KCNB2: variants seen among roughly 807,000 people sequenced by gnomAD.
KCNB2 encodes the protein potassium voltage-gated channel subfamily B member 2, also known as delayed rectifier potassium channel protein.
KCNB2 carries 15 observed loss-of-function variants against 61.5 expected under a neutral mutation model. That is an observed-to-expected ratio of 0.24 (90% CI 0.16 to 0.38). The LOEUF is 0.38. KCNB2 is among the 10% of genes least tolerant of loss of function. KCNB2 has a pLI of 1.00. For missense variants in KCNB2, 828 were observed against 1,125.2 expected, an observed-to-expected ratio of 0.74 and a Z score of 3.78; for synonymous variants, 457 against 446.0, an observed-to-expected ratio of 1.02 and a Z score of -0.31.
At chr8:72,674,157 C>T (rs7814693) in intron 2 of KCNB2, among the ~76,000 whole-genome samples, 126 of 152,258 alleles carry the variant, frequency 8.3e-4, no homozygotes, top group African/African-American at 2.9e-3. Context: ...ACTCTGAACC[C>T]TAAGCGTAAC....
chr8:72,770,629 A>G (rs1460262867), intron 2 of KCNB2, among the ~76,000 whole-genome samples: 1 of 152,190 alleles, frequency 6.6e-6, no homozygotes, highest in Non-Finnish European at 1.5e-5. Flanking sequence ...CATTTCCTTG[A>G]TCTCTAAAAT....
chr8:72,708,550 C>G (rs1294003035), intron 2 of KCNB2, among the ~76,000 whole-genome samples: 4 of 152,202 alleles, frequency 2.6e-5, no homozygotes, highest in Non-Finnish European at 5.9e-5. Flanking sequence ...AGGGTTGAAA[C>G]AAGCCTCAAA....
intron 1 of KCNB2, 56 bp from the exon 2 acceptor site, chr8:72,567,586 G>A: frequency 1.7e-6 from 1 of 602,976 alleles, no homozygotes; most frequent in Non-Finnish European, 2.9e-6. Flanking sequence ...TGATCCCATA[G>A]AACAGAAACA....
intron 2 of KCNB2, among the ~76,000 whole-genome samples, chr8:72,829,614 A>C (rs1809656995): frequency 6.6e-6 from 1 of 152,182 alleles, no homozygotes; most frequent in Non-Finnish European, 1.5e-5. Context: ...AAAATTGCAG[A>C]AATGAGGTGA....
intron 2 of KCNB2, among the ~76,000 whole-genome samples, chr8:72,599,865 A>G (rs1585776373): frequency 1.3e-5 from 2 of 152,364 alleles, no homozygotes; most frequent in African/African-American, 4.8e-5. Context: ...ATCACTGGCC[A>G]TCAGAGAAAT....
chr8:72,652,072 C>T (rs1174872189), intron 2 of KCNB2, among the ~76,000 whole-genome samples: 1 of 152,108 alleles, frequency 6.6e-6, no homozygotes, highest in Non-Finnish European at 1.5e-5. Context: ...TTGACCACTT[C>T]TCAACACCTT....
rs112720584 is a variant in KCNB2 at position 72,688,146 on chromosome 8, C to T, written c.579+119833C>T. Among the ~76,000 whole-genome samples, 244 of 152,328 alleles carry T rather than the reference C, an allele frequency of 1.6e-3. 2 individuals carry two copies. Among genetic ancestry groups the T allele is most frequent in the African/African-American group, 5.6e-3 (232 of 41,572 alleles). On this transcript the variant is annotated intron_variant, in intron 2 of 2. Transcript: ENST00000523207. ...CATAAAGCATATCCTGGAATCTGTC[C>T]TCCACACTAATATGAAAATGATCTT...
At chr8:72,901,640 A>G (rs1338229525) in intron 2 of KCNB2, among the ~76,000 whole-genome samples, 1 of 152,162 alleles carries the variant, frequency 6.6e-6, no homozygotes, top group East Asian at 1.9e-4. Flanking sequence ...TGGGTCATTT[A>G]CAATCTTTTC....
chr8:72,699,562 G>A (rs1807079678), intron 2 of KCNB2, among the ~76,000 whole-genome samples: 1 of 152,052 alleles, frequency 6.6e-6, no homozygotes, highest in Admixed American at 6.6e-5. Context: ...TCACTCTGAT[G>A]CTAGTTTCTT....
chr8:72,651,677 C>T (rs1806212722), intron 2 of KCNB2, among the ~76,000 whole-genome samples: 1 of 151,390 alleles, frequency 6.6e-6, no homozygotes, highest in South Asian at 2.1e-4. Flanking sequence ...GAAAAATGCT[C>T]CTATTTTTTG....
At chr8:72,627,160 A>G (rs759207149) in intron 2 of KCNB2, among the ~76,000 whole-genome samples, 1 of 152,360 alleles carries the variant, frequency 6.6e-6, no homozygotes, top group East Asian at 1.9e-4. Flanking sequence ...TCAGTCATGT[A>G]TACTTTAGTA....
At chr8:72,770,182 A>G (rs1808536858) in intron 2 of KCNB2, among the ~76,000 whole-genome samples, 1 of 152,214 alleles carries the variant, frequency 6.6e-6, no homozygotes, top group Non-Finnish European at 1.5e-5. Flanking sequence ...ATATGCCTTC[A>G]TCAGCAGTCA....
chr8:72,843,698 C>A (rs1345871471), intron 2 of KCNB2, among the ~76,000 whole-genome samples: 1 of 152,102 alleles, frequency 6.6e-6, no homozygotes, highest in Non-Finnish European at 1.5e-5. Context: ...TAATGCCCTT[C>A]TTTGTCTTTC....
At chr8:72,621,256 C>T (rs562447066) in intron 2 of KCNB2, among the ~76,000 whole-genome samples, 1 of 152,294 alleles carries the variant, frequency 6.6e-6, no homozygotes, top group East Asian at 1.9e-4. Flanking sequence ...ACCTCCCATA[C>T]ATACCAAGAA....
At chr8:72,746,537 A>G (rs1164494137) in intron 2 of KCNB2, among the ~76,000 whole-genome samples, 1 of 152,184 alleles carries the variant, frequency 6.6e-6, no homozygotes, top group African/African-American at 2.4e-5. Context: ...CATGCAGAGA[A>G]TTTCATGTCT....
rs146313058 is a variant in KCNB2 at position 72,610,074 on chromosome 8, A to G, written c.579+41761A>G. 2.0e-5 allele frequency among the ~76,000 whole-genome samples: 3 copies of G among 152,238 alleles called. No individual in the cohort carries two copies. In the East Asian group the frequency reaches 5.8e-4, roughly 29 times the overall value. On this transcript the variant is annotated intron_variant, in intron 2 of 2. Transcript: ENST00000523207. ...AATAATATTTCAAAAAAATTTGGTG[A>G]CTTTTCTGACCACAGGGTTGGGATA...
chr8:72,572,527 C>T (rs1263626002), intron 2 of KCNB2, among the ~76,000 whole-genome samples: 2 of 151,904 alleles, frequency 1.3e-5, no homozygotes, highest in African/African-American at 2.4e-5. Context: ...TCCCTTTCCC[C>T]CACTCCTCTC....
chr8:72,837,705 G>A (rs997544557), intron 2 of KCNB2, among the ~76,000 whole-genome samples: 27 of 152,140 alleles, frequency 1.8e-4, no homozygotes, highest in African/African-American at 6.5e-4. Context: ...AGCATAGCAA[G>A]ATCTGTTAAT....
At chr8:72,840,678 A>G (rs1011981467) in intron 2 of KCNB2, among the ~76,000 whole-genome samples, 5 of 152,032 alleles carry the variant, frequency 3.3e-5, no homozygotes, top group Non-Finnish European at 7.4e-5. Flanking sequence ...GCTTTTTTCC[A>G]TATGTTTATT....
Sources: allele counts gnomAD v4.1 joint callset (sites outside exome capture counted in the v4.1 genomes callset), GRCh38; gene constraint gnomAD v4.1.1; transcripts MANE v1.5; gene names NCBI Gene and HGNC (gene_info 2026-07-23, HGNC 2026-07-21).